The following SLAIN1 variants were observed in gnomAD, a reference collection of about 807,000 sequenced individuals.
SLAIN1 encodes the protein SLAIN family member 1.
In SLAIN1, 17 loss-of-function variants were observed where a neutral mutation model predicts 55.4. The ratio of observed to expected loss-of-function variants is 0.31; its 90% CI spans 0.21 to 0.46. The LOEUF is 0.46. Among genes scored for constraint, SLAIN1 ranks in the 20% least tolerant of loss-of-function variants. The pLI, the probability that SLAIN1 is intolerant of heterozygous loss-of-function variation, is 1.00. For synonymous variants in SLAIN1, 348 were observed against 337.4 expected (o/e 1.03, Z -0.35); for missense variants, 682 against 785.1 (o/e 0.87, Z 1.57).
chr13:77,746,893 A>G, intron 4 of SLAIN1, 38 bp downstream of exon 4: 1 of 1,493,962 alleles, frequency 6.7e-7, no homozygotes, highest in Non-Finnish European at 9.1e-7. Context: ...ATATGCTTTA[A>G]TTTTTTTATA....
At chr13:77,703,873 G>T (rs2091055330) in intron 1 of SLAIN1, among the ~76,000 whole-genome samples, 1 of 134,700 alleles carries the variant, frequency 7.4e-6, no homozygotes. Flanking sequence ...TCAGTGGCAG[G>T]TCTAAAAAAA....
At chr13:77,724,521 T>C (rs2091290225) in intron 2 of SLAIN1, among the ~76,000 whole-genome samples, 1 of 152,164 alleles carries the variant, frequency 6.6e-6, no homozygotes, top group Admixed American at 6.5e-5. Context: ...CTTACTGTAG[T>C]GTGGTTTTAT....
Position 77,697,879 on chromosome 13 carries a change from A to T in SLAIN1, c.-35A>T. The T allele has an allele frequency of 7.7e-7, 1 of 1,294,990 alleles. No individual in the cohort carries two copies. Among genetic ancestry groups the T allele is most frequent in the Non-Finnish European group, 9.8e-7 (1 of 1,020,162 alleles). 80.2% of individuals were successfully genotyped at this position (1,294,990 alleles called of 1,614,324 possible). ...CCGAGGAGCCGGCGCGGCGGCGCGC[A>T]CTCCCCGGCGGCCGCGGCGCCCTCG... On this transcript the variant is annotated 5_prime_UTR_variant, in exon 1 of 7. Coordinates refer to ENST00000418532, the MANE Select transcript of SLAIN1 (RefSeq NM_001242868.2).
intron 1 of SLAIN1, among the ~76,000 whole-genome samples, chr13:77,712,678 T>C (rs1047025743): frequency 2.0e-5 from 3 of 152,140 alleles, no homozygotes; most frequent in Admixed American, 1.3e-4. Context: ...CAAGCTACCA[T>C]TGACTTTCTT....
Position 77,698,818 on chromosome 13 carries a change from G to T in SLAIN1, c.626+279G>T. 2 of 1,435,662 alleles carry T rather than the reference G, an allele frequency of 1.4e-6. No individual in the cohort carries two copies. Among genetic ancestry groups the T allele is most frequent in the Non-Finnish European group, 1.8e-6 (2 of 1,082,552 alleles). The allele number at this position is 1,435,662 out of a possible 1,614,324, so 88.9% of individuals were successfully genotyped here. On this transcript the variant is annotated intron_variant, in intron 1 of 6. Coordinates refer to ENST00000418532, the MANE Select transcript of SLAIN1 (RefSeq NM_001242868.2). The surrounding 1 kb of genome is among the most constrained non-coding windows in gnomAD (Gnocchi z 4.1). ...CCATGGGTTCTGCTATTTGCTGATT[G>T]TTGGGTCCCAAGCTCCTCGTTAGCA...
Position 77,698,837 on chromosome 13 carries a change from G to T in SLAIN1, c.626+298G>T, listed in dbSNP as rs1236909213. ...CTGATTGTTGGGTCCCAAGCTCCTC[G>T]TTAGCATTAAGTGCAAAATCCATGT... On this transcript the variant is annotated intron_variant, in intron 1 of 6. Coordinates refer to ENST00000418532, the MANE Select transcript of SLAIN1 (RefSeq NM_001242868.2). This position sits in a 1 kb window ranked among gnomAD's most constrained non-coding sequence, Gnocchi z 4.1. 1.4e-6 allele frequency: 2 copies of T among 1,479,724 alleles called. No homozygotes were observed. The highest frequency in any genetic ancestry group is 1.8e-6 in the Non-Finnish European group (2 of 1,112,440). 91.7% of individuals were successfully genotyped at this position (1,479,724 alleles called of 1,614,324 possible). A position where few individuals can be genotyped will look rare whatever the true frequency, so the allele number is the denominator to read the frequency against.
In SLAIN1 at chr13:77,698,615, C is replaced by T. The variant is rs966321674; in HGVS notation, c.626+76C>T. On this transcript the variant is annotated intron_variant, in intron 1 of 6. Coordinates refer to ENST00000418532, the MANE Select transcript of SLAIN1 (RefSeq NM_001242868.2). This position sits in a 1 kb window ranked among gnomAD's most constrained non-coding sequence, Gnocchi z 4.1. ...GGCACCGGGGAGCGGGGGCGGGGGG[C>T]GGACGGGGGTCCCCTCGCGGCAGCC... The T allele has an allele frequency of 1.7e-5, 22 of 1,325,280 alleles. No individual in the cohort carries two copies. Among genetic ancestry groups the T allele is most frequent in the Non-Finnish European group, 6.7e-6 (7 of 1,042,150 alleles). The allele number at this position is 1,325,280 out of a possible 1,614,324, so 82.1% of individuals were successfully genotyped here.
intron 1 of SLAIN1, among the ~76,000 whole-genome samples, chr13:77,708,972 A>G (rs1594252634): frequency 6.6e-6 from 1 of 152,074 alleles, no homozygotes; most frequent in South Asian, 2.1e-4. Context: ...CCTCCGAGCT[A>G]AAGGAGCATG....
intron 2 of SLAIN1, among the ~76,000 whole-genome samples, chr13:77,737,585 C>G (rs1024928552): frequency 6.6e-6 from 1 of 152,072 alleles, no homozygotes; most frequent in African/African-American, 2.4e-5. Flanking sequence ...TTGCCATTCC[C>G]TGATTGTACA....
intron 2 of SLAIN1, among the ~76,000 whole-genome samples, chr13:77,736,958 A>G (rs979622859): frequency 2.6e-5 from 4 of 151,834 alleles, no homozygotes; most frequent in Non-Finnish European, 5.9e-5. Context: ...GGTGATTTCA[A>G]TCATGCTTCA....
intron 1 of SLAIN1, among the ~76,000 whole-genome samples, chr13:77,708,158 C>T (rs1325613770): frequency 6.6e-6 from 1 of 152,180 alleles, no homozygotes; most frequent in East Asian, 1.9e-4. Flanking sequence ...GAAATGAGCA[C>T]TGCTTTTGAA....
chr13:77,716,520 C>T (rs183126107), intron 1 of SLAIN1, among the ~76,000 whole-genome samples: 153 of 152,178 alleles, frequency 1.0e-3, no homozygotes, highest in African/African-American at 3.5e-3. Context: ...TGGCATATCT[C>T]TCCAGTTATG....
In SLAIN1 at chr13:77,698,103, CCGCCGCCGCCCGCCG is replaced by C; in HGVS notation, c.198_212del (p.Ala69_Ala73del). On this transcript the variant is annotated inframe_deletion, in exon 1 of 7. Coordinates refer to ENST00000418532, the MANE Select transcript of SLAIN1 (RefSeq NM_001242868.2). This position sits in a 1 kb window ranked among gnomAD's most constrained non-coding sequence, Gnocchi z 4.1. ...CGCCCCGCACCTGCTGCTGCTGCCG[CCGCCGCCGCCCGCCG>C]CGCCGCCCCCCGCTGGCCTGCAGCC... The C allele has an allele frequency of 9.5e-7, 1 of 1,056,782 alleles. No individual in the cohort carries two copies. Among genetic ancestry groups the C allele is most frequent in the Non-Finnish European group, 1.1e-6 (1 of 897,672 alleles). The allele number at this position is 1,056,782 out of a possible 1,614,324, so 65.5% of individuals were successfully genotyped here.
At chr13:77,715,666 G>C (rs1038411318) in intron 1 of SLAIN1, among the ~76,000 whole-genome samples, 1 of 152,086 alleles carries the variant, frequency 6.6e-6, no homozygotes, top group Admixed American at 6.5e-5. Context: ...TGTGGTTTTA[G>C]CTATTTTTCT....
Position 77,744,268 on chromosome 13 carries a change from T to C in SLAIN1, c.767-15T>C. On this transcript the variant is annotated splice_polypyrimidine_tract_variant and intron_variant, in intron 2 of 6. Transcript: ENST00000418532. ...TCCTGCAGATGGAAGAACACACTTT[T>C]CCTTTGTGTTTCAGGTTACACTTCC... The C allele has an allele frequency of 1.3e-6, 2 of 1,570,012 alleles. No homozygotes were observed. Among genetic ancestry groups the C allele is most frequent in the Non-Finnish European group, 1.8e-6 (2 of 1,140,152 alleles).
chr13:77,747,601 T>A (rs947797674), intron 4 of SLAIN1, among the ~76,000 whole-genome samples: 1 of 152,174 alleles, frequency 6.6e-6, no homozygotes, highest in Admixed American at 6.5e-5. Context: ...GTTGTAAGCA[T>A]GAATGATGAT....
At chr13:77,749,286 A>T (rs1874045733) in intron 4 of SLAIN1, among the ~76,000 whole-genome samples, 1 of 152,190 alleles carries the variant, frequency 6.6e-6, no homozygotes, top group Non-Finnish European at 1.5e-5. Flanking sequence ...ACTTTCTGGG[A>T]TATTTCTGAG....
chr13:77,743,137 T>C, intron 2 of SLAIN1: 1 of 1,302,908 alleles, frequency 7.7e-7, no homozygotes. Context: ...AAACCTCAAA[T>C]AAAGCAATAC....
At chr13:77,745,758 T>C (rs1457357557) in intron 3 of SLAIN1, among the ~76,000 whole-genome samples, 4 of 152,164 alleles carry the variant, frequency 2.6e-5, no homozygotes, top group Non-Finnish European at 2.9e-5. Flanking sequence ...TTATTTTATA[T>C]AATTATTTAG....
Sources: gnomAD v4.1 joint callset for allele counts (sites outside exome capture counted in the v4.1 genomes callset) on GRCh38, gnomAD v4.1.1 for gene constraint, Gnocchi (gnomAD v3.1) non-coding constraint, MANE v1.5 for transcripts, NCBI Gene and HGNC (gene_info 2026-07-23, HGNC 2026-07-21) for gene names.